PDK1: variants seen among roughly 807,000 people sequenced by gnomAD.
PDK1 encodes the protein [Pyruvate dehydrogenase (acetyl-transferring)] kinase isozyme 1, mitochondrial.
In PDK1, 39 loss-of-function variants were observed where a neutral mutation model predicts 54.2. That is an observed-to-expected ratio of 0.72 (90% CI 0.56 to 0.94). PDK1 has a LOEUF of 0.94. Ranked by LOEUF, PDK1 falls within the 40% of genes least tolerant of loss-of-function variation. PDK1 has a pLI of 0.00. For missense variants in PDK1, 552 were observed against 566.0 expected (o/e 0.98, Z 0.25); for synonymous variants, 221 against 207.1 (o/e 1.07, Z -0.58).
At chr2:172,724,097 G>C in the PDK1 span, 5 of 152,126 alleles carry the variant, frequency 3.3e-5, no homozygotes, top group African/African-American at 4.8e-5. Flanking sequence ...TCTCTTTAAT[G>C]ATTCCACAAT....
the PDK1 span, among the ~76,000 whole-genome samples, chr2:172,626,174 C>T: frequency 6.6e-6 from 1 of 151,962 alleles, no homozygotes; most frequent in Non-Finnish European, 1.5e-5. Context: ...ATTTATTTTT[C>T]GGATTCTGAG....
chr2:172,561,378 A>G (rs1364359002), intron 2 of PDK1, among the ~76,000 whole-genome samples: 4 of 152,254 alleles, frequency 2.6e-5, no homozygotes, highest in Non-Finnish European at 4.4e-5. Context: ...ATTGCTTGTC[A>G]GAAACAGCTT....
At chr2:172,646,195 G>A in the PDK1 span, among the ~76,000 whole-genome samples, 1 of 152,202 alleles carries the variant, frequency 6.6e-6, no homozygotes, top group Non-Finnish European at 1.5e-5. Context: ...ATATATGTCT[G>A]TTGAAGAGTG....
chr2:172,648,415 G>T, the PDK1 span, among the ~76,000 whole-genome samples: 2 of 152,224 alleles, frequency 1.3e-5, no homozygotes, highest in African/African-American at 2.4e-5. Context: ...GCTCCAGTCT[G>T]CAGCTTCCAG....
chr2:172,690,449 C>T, the PDK1 span, among the ~76,000 whole-genome samples: 1 of 150,320 alleles, frequency 6.7e-6, no homozygotes, highest in Non-Finnish European at 1.5e-5. Flanking sequence ...GTGGCGATTC[C>T]TCAGGGATCT....
At chr2:172,639,217 T>G in the PDK1 span, among the ~76,000 whole-genome samples, 1 of 152,252 alleles carries the variant, frequency 6.6e-6, no homozygotes, top group South Asian at 2.1e-4. Context: ...TTTCCTGCTT[T>G]TGGAGCAAAA....
Position 172,604,848 on chromosome 2 carries a change from T to C in PDK1, c.*8879T>C, listed in dbSNP as rs1691234393. 6.6e-6 allele frequency: 1 copy of C among 152,254 alleles called. No homozygotes were observed. Among genetic ancestry groups the C allele is most frequent in the Admixed American group, 6.5e-5 (1 of 15,284 alleles). The allele number at this position is 152,254 out of a possible 1,614,324, so 9.4% of individuals were successfully genotyped here. A position where few individuals can be genotyped will look rare whatever the true frequency, so the allele number is the denominator to read the frequency against. ...CTACTTTTCTAGTTTCGAGATTATT[T>C]TGGAGCTTTATATTGGGTATGTTCT... On this transcript the variant is annotated 3_prime_UTR_variant, in exon 11 of 11. Transcript: ENST00000282077.
the PDK1 span, among the ~76,000 whole-genome samples, chr2:172,714,828 T>C: frequency 6.6e-6 from 1 of 152,164 alleles, no homozygotes; most frequent in Non-Finnish European, 1.5e-5. Flanking sequence ...TTAATGACTA[T>C]TTATAGTAGA....
the PDK1 span, among the ~76,000 whole-genome samples, chr2:172,718,337 G>A: frequency 6.6e-6 from 1 of 152,108 alleles, no homozygotes; most frequent in Admixed American, 6.6e-5. Flanking sequence ...CCAAAATTAT[G>A]AAAGGAAGGC....
At chr2:172,714,122 T>G in the PDK1 span, among the ~76,000 whole-genome samples, 5 of 152,230 alleles carry the variant, frequency 3.3e-5, no homozygotes, top group African/African-American at 1.2e-4. Flanking sequence ...GCTAGCGTAC[T>G]CCTTAAAATA....
intron 9 of PDK1, among the ~76,000 whole-genome samples, chr2:172,589,779 CAT>C (rs1245358635): frequency 6.6e-6 from 1 of 152,196 alleles, no homozygotes; most frequent in Non-Finnish European, 1.5e-5. Context: ...TGTCATCAAA[CAT>C]ATGACTTGGT....
rs1027871886 is a variant in PDK1, at chr2:172,607,329, T to A, written c.*11360T>A. On this transcript the variant is annotated 3_prime_UTR_variant, in exon 11 of 11. Transcript: ENST00000282077. ...AAATAGTAAGTGCTTTGATTTTTTTTAATATAGAATCAAACAATTGTGAAA... is the reference window on the plus strand; with the variant it reads ...AAATAGTAAGTGCTTTGATTTTTTTAAATATAGAATCAAACAATTGTGAAA... 4 of 152,242 alleles carry A rather than the reference T, an allele frequency of 2.6e-5. No individual in the cohort carries two copies. The highest frequency in any genetic ancestry group is 7.2e-5 in the African/African-American group (3 of 41,456). The allele number at this position is 152,242 out of a possible 1,614,324, so 9.4% of individuals were successfully genotyped here.
chr2:172,581,267 T>G (rs1689893542), intron 8 of PDK1, among the ~76,000 whole-genome samples: 1 of 151,984 alleles, frequency 6.6e-6, no homozygotes, highest in African/African-American at 2.4e-5. Context: ...ATTCTTGTAT[T>G]TTTAGTAGAG....
chr2:172,570,966 C>T (rs980973117), intron 8 of PDK1, 142 bp downstream of exon 8: 2 of 568,960 alleles, frequency 3.5e-6, no homozygotes, highest in African/African-American at 3.8e-5. Flanking sequence ...AGATAATAAG[C>T]ACATTGCTTC....
At chr2:172,622,282 CATATATT>C in the PDK1 span, among the ~76,000 whole-genome samples, 1 of 81,070 alleles carries the variant, frequency 1.2e-5, no homozygotes, top group Admixed American at 1.2e-4. Context: ...GTTTATATCT[CATATATT>C]ATGTGAGATA....
At chr2:172,566,434 G>A (rs922711751) in intron 5 of PDK1, among the ~76,000 whole-genome samples, 5 of 152,058 alleles carry the variant, frequency 3.3e-5, no homozygotes, top group East Asian at 1.9e-4. Context: ...CCATGCCTAC[G>A]TAGTCCCAGC....
the PDK1 span, among the ~76,000 whole-genome samples, chr2:172,660,243 C>T: frequency 4.4e-4 from 15 of 34,184 alleles, no homozygotes; most frequent in African/African-American, 9.2e-4. Context: ...CTCTCTCTCT[C>T]TCTCTTTTTT....
Position 172,596,757 on chromosome 2 carries a change from A to G in PDK1, c.*788A>G, listed in dbSNP as rs1012020693. The G allele has an allele frequency of 6.6e-6, 1 of 152,226 alleles. No homozygotes were observed. 9.4% of individuals were successfully genotyped at this position (152,226 alleles called of 1,614,324 possible). ...GATTGCTTGTTGAGATTACCTAGAA[A>G]GCTTTTGGAAAAAAATAGAGCTTTT... is the stretch of plus-strand genomic sequence containing the variant. On this transcript the variant is annotated 3_prime_UTR_variant, in exon 11 of 11. Coordinates refer to ENST00000282077, the MANE Select transcript of PDK1 (RefSeq NM_002610.5).
the PDK1 span, among the ~76,000 whole-genome samples, chr2:172,664,878 G>A: frequency 3.3e-5 from 5 of 152,074 alleles, no homozygotes; most frequent in East Asian, 3.9e-4. Flanking sequence ...TGATATAATC[G>A]AAATTCCATT....
Sources: allele counts gnomAD v4.1 joint callset (sites outside exome capture counted in the v4.1 genomes callset), GRCh38; gene constraint gnomAD v4.1.1; transcripts MANE v1.5; gene names NCBI Gene and HGNC (gene_info 2026-07-23, HGNC 2026-07-21).